RIMBP2: variants seen among roughly 807,000 people sequenced by gnomAD.
RIMBP2 encodes RIMS-binding protein 2.
In RIMBP2, 48 loss-of-function variants were observed where a neutral mutation model predicts 118.6. The ratio of observed to expected loss-of-function variants is 0.40; its 90% confidence interval spans 0.32 to 0.51. RIMBP2 has a LOEUF of 0.51. RIMBP2 is among the 20% of genes least tolerant of loss of function. The probability of loss-of-function intolerance (pLI) is 0.41; values close to 1 mark genes in which losing one functional copy is unlikely to be tolerated. For synonymous variants in RIMBP2, 762 were observed against 742.9 expected (o/e 1.03, Z -0.42); for missense variants, 1,551 against 1,768.3 (o/e 0.88, Z 2.20).
intron 1 of RIMBP2, among the ~76,000 whole-genome samples, chr12:130,714,186 C>A (rs546949222): frequency 6.6e-6 from 1 of 152,370 alleles, no homozygotes; most frequent in African/African-American, 2.4e-5. Context: ...AGAGCCAGCT[C>A]CTGCCTCTCC....
At chr12:130,502,159 A>T (rs1330215858) in intron 4 of RIMBP2, among the ~76,000 whole-genome samples, 1 of 152,080 alleles carries the variant, frequency 6.6e-6, no homozygotes, top group Non-Finnish European at 1.5e-5. Flanking sequence ...AAGACCCTCC[A>T]GTGGCCACCC....
intron 2 of RIMBP2, among the ~76,000 whole-genome samples, chr12:130,528,936 A>G (rs1755825465): frequency 6.6e-6 from 1 of 152,248 alleles, no homozygotes; most frequent in African/African-American, 2.4e-5. Flanking sequence ...TACATTACCC[A>G]GCAATTCACT....
At position 130,471,561 on chromosome 12, in the gene RIMBP2, C is replaced by T. The variant is rs1244315133; in HGVS notation, c.103-818G>A. Among the ~76,000 whole-genome samples, 6 of 152,334 alleles carry T rather than the reference C, an allele frequency of 3.9e-5. No individual in the cohort carries two copies. The East Asian group carries it at 1.2e-3, about 29-fold the overall frequency. Reference sequence around the variant, plus strand: ...TTTCAAAAGACCCATGGAGGCCCCTCACTCTGCTCCATCTAAGCCAATGCC... The same window carrying T: ...TTTCAAAAGACCCATGGAGGCCCCTTACTCTGCTCCATCTAAGCCAATGCC... On this transcript the variant is annotated intron_variant, in intron 5 of 22. Transcript: ENST00000690449.
At chr12:130,678,424 G>A (rs946510274) in intron 1 of RIMBP2, among the ~76,000 whole-genome samples, 13 of 152,248 alleles carry the variant, frequency 8.5e-5, no homozygotes, top group Admixed American at 2.6e-4. Context: ...CCAAAGGGGC[G>A]AAGTGCCCGC....
chr12:130,648,759 C>T (rs2063098231), intron 1 of RIMBP2, among the ~76,000 whole-genome samples: 1 of 143,606 alleles, frequency 7.0e-6, no homozygotes, highest in Non-Finnish European at 1.6e-5. Flanking sequence ...CGGGTTCAAG[C>T]GATTCTCGCT....
At chr12:130,514,854 A>G (rs1419795584) in intron 3 of RIMBP2, among the ~76,000 whole-genome samples, 1 of 151,888 alleles carries the variant, frequency 6.6e-6, no homozygotes, top group Non-Finnish European at 1.5e-5. Flanking sequence ...GGGAAAGCAT[A>G]CTAATTGGAG....
chr12:130,693,336 G>A (rs1284690017), intron 1 of RIMBP2, among the ~76,000 whole-genome samples: 1 of 152,214 alleles, frequency 6.6e-6, no homozygotes, highest in Non-Finnish European at 1.5e-5. Context: ...GGCAATTGGG[G>A]AAAGTCTGGG....
Position 130,396,491 on chromosome 12 carries a change from T to C in RIMBP2, c.*870A>G, listed in dbSNP as rs1332084179. ...ATGATGAAGATGGGTATGGACTCAT[T>C]TGGAGCAGATTTAAATTGAGTCTGG... On this transcript the variant is annotated 3_prime_UTR_variant, in exon 23 of 23. Coordinates refer to ENST00000690449, the MANE Select transcript of RIMBP2 (RefSeq NM_001393629.1). 6.6e-6 allele frequency: 1 copy of C among 152,620 alleles called. No individual in the cohort carries two copies. The highest frequency in any genetic ancestry group is 2.4e-5 in the African/African-American group (1 of 41,450). 9.5% of individuals were successfully genotyped at this position (152,620 alleles called of 1,614,324 possible). A position where few individuals can be genotyped will look rare whatever the true frequency, so the allele number is the denominator to read the frequency against.
intron 2 of RIMBP2, among the ~76,000 whole-genome samples, chr12:130,568,961 G>C (rs1356441578): frequency 1.3e-5 from 2 of 151,856 alleles, no homozygotes; most frequent in African/African-American, 2.4e-5. Flanking sequence ...GTAACTATTG[G>C]AGCTGTGTGT....
At chr12:130,454,505 G>C (rs1415566342) in intron 7 of RIMBP2, among the ~76,000 whole-genome samples, 1 of 150,484 alleles carries the variant, frequency 6.6e-6, no homozygotes, top group Non-Finnish European at 1.5e-5. Context: ...GGAGTGCCAG[G>C]GCAATGCCAG....
chr12:130,589,283 G>A (rs2059112237), intron 2 of RIMBP2, among the ~76,000 whole-genome samples: 1 of 152,150 alleles, frequency 6.6e-6, no homozygotes. Context: ...AAGTGCACAT[G>A]TGCGCACACA....
intron 2 of RIMBP2, among the ~76,000 whole-genome samples, chr12:130,602,661 G>A (rs1040178689): frequency 1.2e-4 from 18 of 152,290 alleles, no homozygotes; most frequent in East Asian, 1.9e-4. Context: ...TGTCTGATGC[G>A]TAAGTAACAG....
intron 10 of RIMBP2, among the ~76,000 whole-genome samples, chr12:130,444,216 G>A (rs545436520): frequency 1.3e-5 from 2 of 152,324 alleles, no homozygotes; most frequent in East Asian, 3.9e-4. Context: ...TACCAACTGT[G>A]GTGAGAGTTC....
chr12:130,643,303 T>C (rs1274733194), intron 1 of RIMBP2, among the ~76,000 whole-genome samples: 1 of 152,182 alleles, frequency 6.6e-6, no homozygotes, highest in Non-Finnish European at 1.5e-5. Context: ...GGTCCTGTGA[T>C]GTGTGTGGAG....
chr12:130,646,803 G>T (rs1291119701), intron 1 of RIMBP2, among the ~76,000 whole-genome samples: 1 of 152,248 alleles, frequency 6.6e-6, no homozygotes, highest in African/African-American at 2.4e-5. Context: ...CACACACAGA[G>T]TCCCTGAACC....
chr12:130,592,297 C>T (rs146034235), intron 2 of RIMBP2, among the ~76,000 whole-genome samples: 1 of 152,198 alleles, frequency 6.6e-6, no homozygotes, highest in African/African-American at 2.4e-5. Context: ...GTCCCAGTGC[C>T]AGGGAGGCTG....
chr12:130,438,337 C>T, intron 12 of RIMBP2, 28 bp downstream of exon 12: 5 of 1,214,102 alleles, frequency 4.1e-6, no homozygotes, highest in African/African-American at 1.5e-5. Flanking sequence ...CCTAACAAAC[C>T]CTCCCCACCC....
intron 14 of RIMBP2, among the ~76,000 whole-genome samples, chr12:130,433,702 C>G (rs1207210200): frequency 6.6e-6 from 1 of 151,966 alleles, no homozygotes; most frequent in Non-Finnish European, 1.5e-5. Context: ...CCGTCCATCC[C>G]TTTTTTCCTT....
At chr12:130,696,651 G>T (rs565340386) in intron 1 of RIMBP2, among the ~76,000 whole-genome samples, 36 of 152,344 alleles carry the variant, frequency 2.4e-4, no homozygotes, top group Middle Eastern at 3.4e-3. Flanking sequence ...TAACAAAGGT[G>T]ATTAGCAAGA....
Sources: allele counts gnomAD v4.1 joint callset (sites outside exome capture counted in the v4.1 genomes callset), GRCh38; gene constraint gnomAD v4.1.1; transcripts MANE v1.5; gene names NCBI Gene and HGNC (gene_info 2026-07-23, HGNC 2026-07-21).